PNPLA6: variants seen among roughly 807,000 people sequenced by gnomAD.
PNPLA6 encodes patatin-like phospholipase domain-containing protein 6.
Under a neutral mutation model 153.7 loss-of-function variants are expected in PNPLA6, and 105 were observed. That is an observed-to-expected ratio of 0.68 (90% CI 0.58 to 0.80). The LOEUF (loss-of-function observed/expected upper bound fraction) is 0.80, where lower values mean the gene tolerates loss of function less well. PNPLA6 is among the 30% of genes least tolerant of loss of function. The pLI is 0.00. For synonymous variants in PNPLA6, 825 were observed against 822.2 expected (o/e 1.00, Z -0.06); for missense variants, 1,423 against 1,919.3 (o/e 0.74, Z 4.83).
intron 13 of PNPLA6, among the ~76,000 whole-genome samples, chr19:7,547,184 T>C (rs2023419239): frequency 1.3e-5 from 2 of 152,196 alleles, no homozygotes; most frequent in Non-Finnish European, 2.9e-5. Flanking sequence ...GGATTACAGA[T>C]GTGAGCCACC....
chr19:7,552,023 ATTGC>A (rs1165416463), intron 18 of PNPLA6, among the ~76,000 whole-genome samples: 1 of 152,028 alleles, frequency 6.6e-6, no homozygotes, highest in East Asian at 1.9e-4. Context: ...GGGAGGATTG[ATTGC>A]TTGAGCCCGG....
rs370676290 is a variant in PNPLA6 at position 7,557,163 on chromosome 19, C to G, written c.3281-5C>G. 36 of 1,606,294 alleles carry G rather than the reference C, an allele frequency of 2.2e-5. No homozygotes were observed. Among genetic ancestry groups the G allele is most frequent in the Non-Finnish European group, 3.0e-5 (35 of 1,174,670 alleles). ...GTGTTTGTGTCTGTGTGTCCCACCG[C>G]GCAGGCTCCCTGTGGCGGTACGTGC... On this transcript the variant is annotated splice_region_variant and splice_polypyrimidine_tract_variant and intron_variant, in intron 26 of 31. Coordinates refer to ENST00000600737, the MANE Select transcript of PNPLA6 (RefSeq NM_001166114.2).
chr19:7,536,678 A>C, intron 3 of PNPLA6, 132 bp downstream of exon 3: 1 of 727,934 alleles, frequency 1.4e-6, no homozygotes, highest in African/African-American at 1.7e-5. Flanking sequence ...TGTAATTCCC[A>C]GCACTTTGGG....
chr19:7,545,692 AC>A (rs1188978056), intron 13 of PNPLA6, among the ~76,000 whole-genome samples: 3 of 151,860 alleles, frequency 2.0e-5, no homozygotes, highest in African/African-American at 4.8e-5. Flanking sequence ...TGAGAGGATC[AC>A]TTGAGGTCAG....
chr19:7,560,922 C>T, intron 29 of PNPLA6, 92 bp from the exon 30 acceptor site: 1 of 869,008 alleles, frequency 1.2e-6, no homozygotes, highest in Non-Finnish European at 1.9e-6. Flanking sequence ...ACCCTAGGAT[C>T]TCCTCTGAGC....
chr19:7,544,159 T>A (rs2023285131), intron 13 of PNPLA6, among the ~76,000 whole-genome samples: 2 of 148,262 alleles, frequency 1.3e-5, no homozygotes, highest in Admixed American at 1.4e-4. Flanking sequence ...TCACCCAGGC[T>A]GGAGTGCAGT....
At chr19:7,552,124 A>C (rs565867429) in intron 18 of PNPLA6, among the ~76,000 whole-genome samples, 1 of 152,324 alleles carries the variant, frequency 6.6e-6, no homozygotes, top group South Asian at 2.1e-4. Context: ...AAAATAAAAC[A>C]GCAAACAAAC....
chr19:7,544,230 G>C (rs1284054607), intron 13 of PNPLA6, among the ~76,000 whole-genome samples: 2 of 152,080 alleles, frequency 1.3e-5, no homozygotes, highest in African/African-American at 4.8e-5. Context: ...TCCTGCCTCA[G>C]CCTCCCGAGT....
rs912500396 is a variant in PNPLA6 at position 7,540,868 on chromosome 19, G to A, written c.796-55G>A. 1.9e-6 allele frequency: 3 copies of A among 1,611,334 alleles called. No individual in the cohort carries two copies. Among genetic ancestry groups the A allele is most frequent in the Middle Eastern group, 1.7e-4 (1 of 6,054 alleles). On this transcript the variant is annotated intron_variant, in intron 6 of 31. Transcript: ENST00000600737. The surrounding 1 kb of genome is among the most constrained non-coding windows in gnomAD (Gnocchi z 6.8). ...CGCCAGGAAGGATTAGGGGAGTAGCGAGGGGGACTCGCAGCCTCTGCCCTT... is the reference window on the plus strand; with the variant it reads ...CGCCAGGAAGGATTAGGGGAGTAGCAAGGGGGACTCGCAGCCTCTGCCCTT...
intron 18 of PNPLA6, among the ~76,000 whole-genome samples, chr19:7,551,805 G>A (rs1324693676): frequency 6.6e-6 from 1 of 152,144 alleles, no homozygotes; most frequent in Non-Finnish European, 1.5e-5. Flanking sequence ...TCCTAGATCA[G>A]AATATGATGG....
At chr19:7,537,137 G>C (rs1033374932) in intron 3 of PNPLA6, among the ~76,000 whole-genome samples, 4 of 152,038 alleles carry the variant, frequency 2.6e-5, no homozygotes, top group African/African-American at 9.7e-5. Context: ...CAGAGGTCTT[G>C]CCATATACTT....
rs2023846642 is a variant in PNPLA6 at position 7,555,651 on chromosome 19, G to C, written c.2981G>C (p.Gly994Ala). The C allele has an allele frequency of 6.2e-7, 1 of 1,612,914 alleles. No individual in the cohort carries two copies. Residue 994 changes from glycine to alanine, a missense_variant, in exon 24 of 32, where the codon GGG becomes GCG. By Grantham distance (60) the Gly-to-Ala change is moderately conservative. Around this residue, in one of 10 missense-constraint regions of PNPLA6, gnomAD observed 643 missense variants for 835.2 expected, o/e 0.77. Transcript: ENST00000600737. The surrounding 1 kb of genome is among the most constrained non-coding windows in gnomAD (Gnocchi z 6.3). ...GTACTAAAGGCATTAGAGGAGGCGGGGGTCCCCGTGGACCTGGTGGGCGGC... is the reference window on the plus strand; with the variant it reads ...GTACTAAAGGCATTAGAGGAGGCGGCGGTCCCCGTGGACCTGGTGGGCGGC... ...IGVLKALEEAGVPVDLVGGTS... is the reference protein window; with the variant it reads ...IGVLKALEEAAVPVDLVGGTS...
In PNPLA6 at chr19:7,559,027, G is replaced by A. The variant is rs1395876279; in HGVS notation, c.3575G>A (p.Arg1192His). 6.2e-7 allele frequency: 1 copy of A among 1,614,162 alleles called. No homozygotes were observed. The highest frequency in any genetic ancestry group is 8.5e-7 in the Non-Finnish European group (1 of 1,180,032). Residue 1192 changes from arginine to histidine, a missense_variant, in exon 28 of 32, where the codon CGC becomes CAC. By Grantham distance (29) the Arg-to-His change is conservative. Transcript: ENST00000600737. ...KVPDMAEIQS[R>H]LAYVSCVRQL... ...CCAGACATGGCTGAAATCCAGTCCC[G>A]CCTGGCCTACGTGTCCTGTGTGCGG... is the stretch of plus-strand genomic sequence containing the variant.
In PNPLA6 at chr19:7,555,207, C is replaced by T; in HGVS notation, c.2818-42C>T. The T allele has an allele frequency of 1.3e-6, 2 of 1,547,178 alleles. No homozygotes were observed. Among genetic ancestry groups the T allele is most frequent in the Non-Finnish European group, 1.8e-6 (2 of 1,135,462 alleles). ...TACCCCTGGGGGATCCGCCGGACCC[C>T]GCCCTCATGCTCCTGGGTCGCGACT... On this transcript the variant is annotated intron_variant, in intron 22 of 31. Transcript: ENST00000600737. The surrounding 1 kb of genome is among the most constrained non-coding windows in gnomAD (Gnocchi z 6.3).
intron 3 of PNPLA6, among the ~76,000 whole-genome samples, chr19:7,538,860 C>T (rs1369284730): frequency 2.0e-5 from 3 of 152,230 alleles, no homozygotes; most frequent in Non-Finnish European, 4.4e-5. Flanking sequence ...TACTCTGTGA[C>T]TACTGGAAGG....
intron 21 of PNPLA6, 37 bp downstream of exon 21, chr19:7,554,760 G>A: frequency 1.5e-5 from 24 of 1,606,050 alleles, no homozygotes; most frequent in Non-Finnish European, 2.0e-5. Flanking sequence ...ACCCACCTCG[G>A]GTCCCGTCCT....
rs368667356 is a variant in PNPLA6, at chr19:7,541,489, C to G, written c.1006-33C>G. ...GGGGATGGGGGCGAGGTCTCCCTCC[C>G]AGGACAGGCCACAAGCTGTTCTCTG... On this transcript the variant is annotated intron_variant, in intron 8 of 31. Coordinates refer to ENST00000600737, the MANE Select transcript of PNPLA6 (RefSeq NM_001166114.2). This position sits in a 1 kb window ranked among gnomAD's most constrained non-coding sequence, Gnocchi z 5.2. 2 of 1,611,984 alleles carry G rather than the reference C, an allele frequency of 1.2e-6. No individual in the cohort carries two copies. Among genetic ancestry groups the G allele is most frequent in the African/African-American group, 2.7e-5 (2 of 74,878 alleles).
intron 13 of PNPLA6, 91 bp from the exon 14 acceptor site, chr19:7,549,816 T>C: frequency 3.9e-6 from 5 of 1,287,562 alleles, no homozygotes; most frequent in Non-Finnish European, 1.1e-6. Context: ...CCTTCCTTTC[T>C]TCTTTAATTT....
intron 18 of PNPLA6, among the ~76,000 whole-genome samples, chr19:7,552,392 C>T (rs2023688883): frequency 6.6e-6 from 1 of 152,304 alleles, no homozygotes; most frequent in Admixed American, 6.5e-5. Context: ...AGGGGTTCTA[C>T]CCAATTGGCC....
Sources: allele counts gnomAD v4.1 joint callset (sites outside exome capture counted in the v4.1 genomes callset), GRCh38; gene constraint gnomAD v4.1.1; regional missense constraint gnomAD v4.1.1; non-coding constraint Gnocchi (gnomAD v3.1); transcripts MANE v1.5; gene names NCBI Gene and HGNC (gene_info 2026-07-23, HGNC 2026-07-21).